Variants in NPAS3 observed in about 807,000 individuals in gnomAD.
The protein encoded by NPAS3 is neuronal PAS domain protein 3, also known as neuronal PAS domain-containing protein 3.
Under a neutral mutation model 73.1 loss-of-function variants are expected in NPAS3, and 14 were observed. The ratio of observed to expected loss-of-function variants is 0.19; its 90% confidence interval spans 0.13 to 0.30. The LOEUF is 0.30. NPAS3 is among the 10% of genes least tolerant of loss of function. NPAS3 has a pLI of 1.00. For synonymous variants in NPAS3, 620 were observed against 541.5 expected, an observed-to-expected ratio of 1.14 and a Z score of -2.01; for missense variants, 1,096 against 1,250.0, an observed-to-expected ratio of 0.88 and a Z score of 1.86.
chr14:33,254,696 A>G (rs1164767484), intron 3 of NPAS3, among the ~76,000 whole-genome samples: 1 of 152,156 alleles, frequency 6.6e-6, no homozygotes, highest in Non-Finnish European at 1.5e-5. Flanking sequence ...GAAAAATACT[A>G]AAAGGCAGCT....
intron 2 of NPAS3, among the ~76,000 whole-genome samples, chr14:33,168,351 G>C (rs1289264541): frequency 6.6e-6 from 1 of 152,168 alleles, no homozygotes; most frequent in African/African-American, 2.4e-5. Context: ...TTGCCTTGAG[G>C]AGCAGAGAAG....
chr14:33,007,515 C>A (rs994815652), intron 1 of NPAS3, among the ~76,000 whole-genome samples: 7 of 152,144 alleles, frequency 4.6e-5, no homozygotes, highest in African/African-American at 1.7e-4. Flanking sequence ...GGATCCAAAG[C>A]AGATTTGGCT....
chr14:33,707,230 C>T (rs1199828212), intron 6 of NPAS3, among the ~76,000 whole-genome samples: 1 of 152,120 alleles, frequency 6.6e-6, no homozygotes, highest in Non-Finnish European at 1.5e-5. Flanking sequence ...AGCTGCAAAA[C>T]AAAATTGACC....
At chr14:33,401,006 T>C (rs139954042) in intron 4 of NPAS3, among the ~76,000 whole-genome samples, 15 of 152,254 alleles carry the variant, frequency 9.9e-5, no homozygotes, top group African/African-American at 3.6e-4. Flanking sequence ...GTGTTAGATT[T>C]CATACATATT....
intron 2 of NPAS3, among the ~76,000 whole-genome samples, chr14:33,108,801 G>A (rs893688402): frequency 1.3e-5 from 2 of 151,998 alleles, no homozygotes; most frequent in African/African-American, 4.8e-5. Context: ...AATTGAAGTC[G>A]ATTCCAGAGA....
chr14:33,077,776 T>TTTTTTTTTTTG (rs1555333264), intron 2 of NPAS3, among the ~76,000 whole-genome samples: 1 of 145,592 alleles, frequency 6.9e-6, no homozygotes, highest in Non-Finnish European at 1.5e-5. Flanking sequence ...CAGTAAGGGT[T>TTTTTTTTTTTG]TTTTTTTTTT....
At chr14:33,300,899 CAG>C (rs1410867088) in intron 3 of NPAS3, among the ~76,000 whole-genome samples, 2 of 152,138 alleles carry the variant, frequency 1.3e-5, no homozygotes, top group African/African-American at 4.8e-5. Flanking sequence ...CAGCACCCCT[CAG>C]AGGCAGGCCC....
At chr14:33,059,139 C>A (rs1377120697) in intron 2 of NPAS3, among the ~76,000 whole-genome samples, 1 of 152,122 alleles carries the variant, frequency 6.6e-6, no homozygotes, top group African/African-American at 2.4e-5. Flanking sequence ...GCTCTCTAAG[C>A]CCCAAGTGAT....
chr14:33,283,011 G>A (rs550029023), intron 3 of NPAS3, among the ~76,000 whole-genome samples: 4 of 152,288 alleles, frequency 2.6e-5, no homozygotes, highest in Admixed American at 6.5e-5. Context: ...TAAGAAACTT[G>A]AAAATTACTC....
At chr14:33,226,963 A>C (rs939192145) in intron 3 of NPAS3, among the ~76,000 whole-genome samples, 26 of 152,216 alleles carry the variant, frequency 1.7e-4, no homozygotes, top group African/African-American at 6.0e-4. Flanking sequence ...GATGAATACT[A>C]TCCAGGTTTT....
chr14:33,591,125 GC>G (rs1480613931), intron 5 of NPAS3, among the ~76,000 whole-genome samples: 2 of 152,158 alleles, frequency 1.3e-5, no homozygotes, highest in African/African-American at 4.8e-5. Context: ...TGCAGCCACA[GC>G]TTCCTGAGGA....
intron 3 of NPAS3, among the ~76,000 whole-genome samples, chr14:33,321,514 A>T (rs537047954): frequency 2.0e-5 from 3 of 151,938 alleles, no homozygotes; most frequent in African/African-American, 7.3e-5. Context: ...GTTAATATAC[A>T]TGATGTCCGT....
At chr14:33,413,584 G>A (rs978986926) in intron 4 of NPAS3, among the ~76,000 whole-genome samples, 3 of 152,198 alleles carry the variant, frequency 2.0e-5, no homozygotes, top group African/African-American at 7.2e-5. Flanking sequence ...GCAGTAAAAT[G>A]CATCAGCACT....
chr14:33,496,558 A>G (rs1156773650), intron 4 of NPAS3, among the ~76,000 whole-genome samples: 2 of 152,210 alleles, frequency 1.3e-5, no homozygotes, highest in Non-Finnish European at 2.9e-5. Flanking sequence ...ACTCAAATAA[A>G]TAAACGTAAT....
At chr14:33,597,593 G>T (rs17101598) in intron 5 of NPAS3, among the ~76,000 whole-genome samples, 12,023 of 152,276 alleles carry the variant, frequency 0.079, 585 homozygotes, top group Admixed American at 0.17. Context: ...ACATATACCT[G>T]TGGAAACAAT....
intron 5 of NPAS3, among the ~76,000 whole-genome samples, chr14:33,666,992 A>G (rs1288365518): frequency 6.6e-6 from 1 of 152,182 alleles, no homozygotes; most frequent in Non-Finnish European, 1.5e-5. Flanking sequence ...AGTAATTTTA[A>G]ATTTTTCTAG....
At chr14:33,591,727 T>TG in intron 5 of NPAS3, among the ~76,000 whole-genome samples, 1 of 152,194 alleles carries the variant, frequency 6.6e-6, no homozygotes, top group Non-Finnish European at 1.5e-5. Flanking sequence ...CACTGCAGTT[T>TG]ACCTAAGCAC....
At chr14:33,647,471 G>T (rs547957964) in intron 5 of NPAS3, among the ~76,000 whole-genome samples, 1 of 151,926 alleles carries the variant, frequency 6.6e-6, no homozygotes, top group African/African-American at 2.4e-5. Flanking sequence ...AAACAAAAGC[G>T]GTTATGATCT....
intron 2 of NPAS3, among the ~76,000 whole-genome samples, chr14:33,061,753 C>CT (rs1199670679): frequency 6.6e-6 from 1 of 152,172 alleles, no homozygotes; most frequent in African/African-American, 2.4e-5. Flanking sequence ...TCAGAGGTGA[C>CT]TAAGAAAACC....
Sources: gnomAD v4.1 joint callset for allele counts (sites outside exome capture counted in the v4.1 genomes callset) on GRCh38, gnomAD v4.1.1 for gene constraint, MANE v1.5 for transcripts, NCBI Gene and HGNC (gene_info 2026-07-23, HGNC 2026-07-21) for gene names.